KIAA1217: variants seen among roughly 807,000 people sequenced by gnomAD.
KIAA1217 encodes sickle tail protein homolog.
A neutral mutation model predicts 163.9 loss-of-function variants in KIAA1217; 88 were observed. The ratio of observed to expected loss-of-function variants is 0.54; its 90% CI spans 0.45 to 0.64. The LOEUF is 0.64. Ranked by LOEUF, KIAA1217 falls within the 30% of genes least tolerant of loss-of-function variation. KIAA1217 has a pLI of 0.00. For synonymous variants in KIAA1217, 903 were observed against 923.1 expected, an observed-to-expected ratio of 0.98 and a Z score of 0.39; for missense variants, 2,372 against 2,475.0, an observed-to-expected ratio of 0.96 and a Z score of 0.88.
intron 2 of KIAA1217, among the ~76,000 whole-genome samples, chr10:24,264,117 C>T (rs2075976891): frequency 1.3e-5 from 2 of 152,194 alleles, no homozygotes; most frequent in South Asian, 4.1e-4. Flanking sequence ...CCTCGGCCTC[C>T]CAAAGTGCTG....
intron 2 of KIAA1217, among the ~76,000 whole-genome samples, chr10:24,279,158 A>G (rs2077623810): frequency 6.6e-6 from 1 of 152,028 alleles, no homozygotes; most frequent in East Asian, 1.9e-4. Flanking sequence ...TGTTTACTCA[A>G]ATTAATGGGG....
intron 3 of KIAA1217, among the ~76,000 whole-genome samples, chr10:24,427,080 C>T (rs1001448239): frequency 6.6e-6 from 1 of 152,100 alleles, no homozygotes; most frequent in African/African-American, 2.4e-5. Flanking sequence ...ATCCACATTC[C>T]TTTGCAAAGC....
At chr10:23,785,278 T>C (rs189778404) in intron 1 of KIAA1217, among the ~76,000 whole-genome samples, 24 of 152,298 alleles carry the variant, frequency 1.6e-4, no homozygotes, top group Admixed American at 1.4e-3. Context: ...TCTTCCTTTA[T>C]TTATCTGACT....
chr10:24,545,056 A>T lies in KIAA1217; in HGVS notation c.5287A>T (p.Lys1763Ter). 3 of 1,614,208 alleles carry T rather than the reference A, an allele frequency of 1.9e-6. No homozygotes were observed. Among genetic ancestry groups the T allele is most frequent in the Non-Finnish European group, 2.5e-6 (3 of 1,180,024 alleles). Residue 1763 changes from lysine (K) to a stop codon, truncating the protein, a stop_gained, in exon 20 of 21, where the codon AAA becomes TAA. Transcript: ENST00000376454. LOFTEE classifies it high-confidence loss of function. ...CAAGAACAGACCCGGAACCCTGGAC[A>T]AACCCGGCAAGCAGTCCAAACTGCA... The part of the protein sequence containing the change: ...SAKNRPGTLD[K>*]PGKQSKLQDP...
chr10:23,824,483 C>A (rs953353371), intron 1 of KIAA1217, among the ~76,000 whole-genome samples: 1 of 147,688 alleles, frequency 6.8e-6, no homozygotes, highest in Non-Finnish European at 1.5e-5. Context: ...CAAAAATTAG[C>A]TCAGCATGGT....
intron 1 of KIAA1217, among the ~76,000 whole-genome samples, chr10:23,903,705 A>G (rs920734069): frequency 1.3e-5 from 2 of 151,924 alleles, no homozygotes; most frequent in African/African-American, 4.8e-5. Context: ...GAGAGTTTTT[A>G]TGGTTGTCTC....
chr10:24,112,662 G>A (rs956563282), intron 2 of KIAA1217, among the ~76,000 whole-genome samples: 1 of 151,930 alleles, frequency 6.6e-6, no homozygotes, highest in Non-Finnish European at 1.5e-5. Context: ...TCGGCTCACT[G>A]CAAGCTCCAC....
Position 24,478,995 on chromosome 10 carries a change from A to G in KIAA1217, c.1679+4935A>G, listed in dbSNP as rs918001513. Among the ~76,000 whole-genome samples the G allele has an allele frequency of 2.0e-5, 3 of 152,352 alleles. No homozygotes were observed. In the East Asian group the frequency reaches 5.8e-4, roughly 29 times the overall value. ...ACTTGAACTGAGATTGTATTTTTACACTATTCTATACCTAGAGCAGCTACA... is the reference window on the plus strand; with the variant it reads ...ACTTGAACTGAGATTGTATTTTTACGCTATTCTATACCTAGAGCAGCTACA... On this transcript the variant is annotated intron_variant, in intron 6 of 20. Transcript: ENST00000376454.
intron 2 of KIAA1217, among the ~76,000 whole-genome samples, chr10:24,343,405 T>C (rs900753801): frequency 1.3e-5 from 2 of 152,228 alleles, no homozygotes; most frequent in Admixed American, 6.5e-5. Context: ...AGTTAGTCAA[T>C]TTTGTGTTTG....
At chr10:23,969,965 G>T (rs558035973) in intron 1 of KIAA1217, among the ~76,000 whole-genome samples, 12 of 152,202 alleles carry the variant, frequency 7.9e-5, no homozygotes, top group Admixed American at 7.2e-4. Context: ...AGCAAAAGGG[G>T]TTTTTGCCCT....
chr10:24,154,947 A>T (rs1174946787), intron 2 of KIAA1217, among the ~76,000 whole-genome samples: 2 of 150,460 alleles, frequency 1.3e-5, no homozygotes, highest in East Asian at 3.9e-4. Context: ...AAAAAAAGGA[A>T]AGTAGAGGAG....
intron 1 of KIAA1217, among the ~76,000 whole-genome samples, chr10:23,976,590 T>C (rs1163367948): frequency 6.6e-6 from 1 of 152,176 alleles, no homozygotes. Context: ...GTACCTCCTA[T>C]ATTCTCTGCA....
chr10:24,380,654 A>G (rs2053179503), intron 2 of KIAA1217, among the ~76,000 whole-genome samples: 1 of 148,970 alleles, frequency 6.7e-6, no homozygotes, highest in East Asian at 2.0e-4. Flanking sequence ...ATAAATAAAT[A>G]CAATGGAACA....
intron 2 of KIAA1217, among the ~76,000 whole-genome samples, chr10:24,164,165 C>T (rs2065239806): frequency 6.6e-6 from 1 of 152,314 alleles, no homozygotes; most frequent in South Asian, 2.1e-4. Context: ...TCTTGGGAGA[C>T]TGAACTTCTA....
chr10:23,791,418 A>T (rs1306188685), intron 1 of KIAA1217, among the ~76,000 whole-genome samples: 1 of 152,344 alleles, frequency 6.6e-6, no homozygotes, highest in East Asian at 1.9e-4. Context: ...AGAAAGCCAG[A>T]CATTACATTA....
At chr10:23,833,981 G>GTCT (rs1270323119) in intron 1 of KIAA1217, among the ~76,000 whole-genome samples, 1 of 151,966 alleles carries the variant, frequency 6.6e-6, no homozygotes, top group Non-Finnish European at 1.5e-5. Context: ...TGGATTTCAT[G>GTCT]TCTTCATTTA....
chr10:24,513,904 T>C (rs1327603258), intron 10 of KIAA1217, among the ~76,000 whole-genome samples: 1 of 152,160 alleles, frequency 6.6e-6, no homozygotes, highest in Non-Finnish European at 1.5e-5. Context: ...AGCCTATATT[T>C]CATCTCAATA....
At chr10:24,466,108 C>T (rs1412070326) in intron 5 of KIAA1217, among the ~76,000 whole-genome samples, 2 of 152,162 alleles carry the variant, frequency 1.3e-5, no homozygotes, top group African/African-American at 4.8e-5. Context: ...AAGAGGCTTA[C>T]GTTTCCTTCA....
At chr10:24,064,741 G>C (rs1170863563) in intron 2 of KIAA1217, among the ~76,000 whole-genome samples, 2 of 152,140 alleles carry the variant, frequency 1.3e-5, no homozygotes, top group Non-Finnish European at 2.9e-5. Context: ...TGTACCTCTG[G>C]TAGAATTTGG....
Sources: gnomAD v4.1 joint callset for allele counts (sites outside exome capture counted in the v4.1 genomes callset) on GRCh38, gnomAD v4.1.1 for gene constraint, MANE v1.5 for transcripts, NCBI Gene and HGNC (gene_info 2026-07-23, HGNC 2026-07-21) for gene names.